SECISBP2: variants seen among roughly 807,000 people sequenced by gnomAD.
The protein encoded by SECISBP2 is selenocysteine insertion sequence-binding protein 2.
SECISBP2 carries 96 observed loss-of-function variants against 98.2 expected under a neutral mutation model. The ratio of observed to expected loss-of-function variants is 0.98; its 90% confidence interval spans 0.83 to 1.16. SECISBP2 has a LOEUF of 1.16. Ranked by LOEUF, SECISBP2 falls within the 50% of genes most tolerant of loss-of-function variation. The pLI is 0.00. For synonymous variants in SECISBP2, 407 were observed against 370.2 expected, an observed-to-expected ratio of 1.10 and a Z score of -1.14; for missense variants, 1,046 against 1,022.9, an observed-to-expected ratio of 1.02 and a Z score of -0.31.
At chr9:89,347,679 A>G (rs772309461) in intron 11 of SECISBP2, among the ~76,000 whole-genome samples, 4 of 151,968 alleles carry the variant, frequency 2.6e-5, no homozygotes, top group Non-Finnish European at 4.4e-5. Flanking sequence ...AGGTCTCATC[A>G]CCATGTTGGC....
At chr9:89,356,259 G>A (rs1487704382) in intron 14 of SECISBP2, among the ~76,000 whole-genome samples, 1 of 152,204 alleles carries the variant, frequency 6.6e-6, no homozygotes, top group East Asian at 1.9e-4. Context: ...AATGCCTGAT[G>A]ATCTGAGGTG....
At chr9:89,352,395 G>A (rs1022742569) in intron 14 of SECISBP2, among the ~76,000 whole-genome samples, 1 of 152,180 alleles carries the variant, frequency 6.6e-6, no homozygotes, top group Non-Finnish European at 1.5e-5. Flanking sequence ...TTGTTTTGTT[G>A]GAGTGCATCC....
downstream of SECISBP2, chr9:89,362,402 C>T (rs1832827587): frequency 6.2e-7 from 1 of 1,614,068 alleles, no homozygotes; most frequent in Non-Finnish European, 8.5e-7. Context: ...TTCCTGGTGG[C>T]TACAGGGTGT....
chr9:89,328,995 G>A, intron 5 of SECISBP2, 109 bp downstream of exon 5: 2 of 912,130 alleles, frequency 2.2e-6, no homozygotes, highest in Non-Finnish European at 3.5e-6. Context: ...CCATGGAGCT[G>A]GGGAGGATGT....
At chr9:89,339,806 G>T in intron 8 of SECISBP2, 58 bp from the exon 9 acceptor site, 1 of 1,163,802 alleles carries the variant, frequency 8.6e-7, no homozygotes, top group Non-Finnish European at 1.3e-6. Context: ...CAAGGAAAAG[G>T]TTGCACTTGG....
intron 14 of SECISBP2, chr9:89,356,900 GCATCA>G (rs1486572635): frequency 5.0e-6 from 1 of 200,616 alleles, no homozygotes; most frequent in Non-Finnish European, 1.0e-5. Context: ...TTTTCCAGGT[GCATCA>G]CCTGCACATG....
At chr9:89,346,354 C>T (rs1300667897) in intron 10 of SECISBP2, among the ~76,000 whole-genome samples, 1 of 152,086 alleles carries the variant, frequency 6.6e-6, no homozygotes, top group African/African-American at 2.4e-5. Context: ...TTGGAAAACA[C>T]GTCTGGAAAA....
intron 14 of SECISBP2, 122 bp from the exon 15 acceptor site, chr9:89,357,289 G>GTT: frequency 9.5e-7 from 1 of 1,050,204 alleles, no homozygotes. Context: ...TTTCAGGGGC[G>GTT]TCTGCCTTGG....
At position 89,334,655 on chromosome 9, in the gene SECISBP2, T is replaced by TAAAAA. The variant is rs748931539; in HGVS notation, c.1015_1016insAAAAA (p.Ile339LysfsTer59). The TAAAAA allele has an allele frequency of 5.6e-6, 9 of 1,613,888 alleles. No homozygotes were observed. Among genetic ancestry groups the TAAAAA allele is most frequent in the Admixed American group, 1.7e-5 (1 of 60,016 alleles). ...CATCAGCAGATCCTAAAAATGTTAG[T>TAAAAA]ATACCATCTTCTGAAGCTTTATCTT... is the stretch of plus-strand genomic sequence containing the variant. On this transcript the variant is annotated frameshift_variant, in exon 7 of 17. Transcript: ENST00000375807. LOFTEE classifies it high-confidence loss of function.
chr9:89,343,386 C>T (rs1438366071), intron 10 of SECISBP2, among the ~76,000 whole-genome samples: 1 of 151,828 alleles, frequency 6.6e-6, no homozygotes, highest in Middle Eastern at 3.2e-3. Flanking sequence ...GGTACACATG[C>T]AGGTTTGTTA....
chr9:89,353,839 A>G (rs1050020660), intron 14 of SECISBP2, among the ~76,000 whole-genome samples: 1 of 152,216 alleles, frequency 6.6e-6, no homozygotes, highest in Non-Finnish European at 1.5e-5. Context: ...TCAGCATCAT[A>G]AGGATTTGTT....
chr9:89,331,102 T>C (rs1464652666), intron 5 of SECISBP2, among the ~76,000 whole-genome samples: 1 of 152,208 alleles, frequency 6.6e-6, no homozygotes, highest in Non-Finnish European at 1.5e-5. Context: ...TGTCTGAAAT[T>C]GTACAACCAA....
At chr9:89,339,744 T>C in intron 8 of SECISBP2, 120 bp from the exon 9 acceptor site, 1 of 559,228 alleles carries the variant, frequency 1.8e-6, no homozygotes, top group Non-Finnish European at 3.2e-6. Context: ...GTTTCGCGGC[T>C]TTTTTTTTTA....
chr9:89,324,353 GTTAC>G (rs2131579197), intron 2 of SECISBP2: 1 of 152,304 alleles, frequency 6.6e-6, no homozygotes, highest in East Asian at 1.9e-4. Flanking sequence ...TCATGTTAAA[GTTAC>G]TTACCTGTAA....
At chr9:89,319,189 C>A in intron 1 of SECISBP2, 1 of 416,862 alleles carries the variant, frequency 2.4e-6, no homozygotes, top group Non-Finnish European at 3.3e-6. Context: ...TAAAGCAAGA[C>A]TTAGTGGTTC....
chr9:89,321,893 T>C (rs1825872930), intron 2 of SECISBP2, among the ~76,000 whole-genome samples: 2 of 152,194 alleles, frequency 1.3e-5, no homozygotes, highest in South Asian at 4.1e-4. Context: ...TGCATTGCCA[T>C]AGTCAGATTA....
downstream of SECISBP2, chr9:89,362,018 G>A: frequency 2.8e-6 from 1 of 357,152 alleles, no homozygotes; most frequent in Non-Finnish European, 5.3e-6. Flanking sequence ...GGAGTCACTG[G>A]GACGGTGTAG....
intron 7 of SECISBP2, among the ~76,000 whole-genome samples, chr9:89,337,484 G>T (rs546794890): frequency 6.6e-6 from 1 of 152,314 alleles, no homozygotes; most frequent in East Asian, 1.9e-4. Context: ...CATATGTCCT[G>T]CCTCAGACTC....
chr9:89,342,078 G>C (rs1303093018), intron 10 of SECISBP2, among the ~76,000 whole-genome samples: 4 of 152,174 alleles, frequency 2.6e-5, no homozygotes, highest in African/African-American at 9.7e-5. Flanking sequence ...AAATATTTAG[G>C]AACTCCAGCT....
Sources: allele counts gnomAD v4.1 joint callset (sites outside exome capture counted in the v4.1 genomes callset), GRCh38; gene constraint gnomAD v4.1.1; transcripts MANE v1.5; gene names NCBI Gene and HGNC (gene_info 2026-07-23, HGNC 2026-07-21).